Variants in ADAM10 observed in about 807,000 individuals in gnomAD.
The protein encoded by ADAM10 is disintegrin and metalloproteinase domain-containing protein 10.
A neutral mutation model predicts 90.1 loss-of-function variants in ADAM10; 17 were observed. The ratio of observed to expected loss-of-function variants is 0.19; its 90% CI spans 0.13 to 0.28. The LOEUF (loss-of-function observed/expected upper bound fraction) is 0.28. Ranked by LOEUF, ADAM10 falls within the 10% of genes least tolerant of loss-of-function variation. ADAM10 has a pLI of 1.00. For missense variants in ADAM10, 610 were observed against 914.3 expected (o/e 0.67, Z 4.29); for synonymous variants, 310 against 298.6 (o/e 1.04, Z -0.40).
At chr15:58,688,137 T>C (rs765595060) in intron 2 of ADAM10, among the ~76,000 whole-genome samples, 16 of 152,158 alleles carry the variant, frequency 1.1e-4, no homozygotes, top group Non-Finnish European at 2.2e-4. Flanking sequence ...GTTATATAAA[T>C]TGTGAACACT....
intron 1 of ADAM10, among the ~76,000 whole-genome samples, chr15:58,730,731 C>G (rs1261126470): frequency 6.6e-6 from 1 of 152,184 alleles, no homozygotes; most frequent in Non-Finnish European, 1.5e-5. Flanking sequence ...CCAGTGAAGA[C>G]TGGCGGGTGG....
At chr15:58,637,017 C>T (rs777955734) in intron 8 of ADAM10, among the ~76,000 whole-genome samples, 2 of 152,148 alleles carry the variant, frequency 1.3e-5, no homozygotes, top group Admixed American at 1.3e-4. Context: ...GCATTAAATG[C>T]CAATAGCAAG....
At chr15:58,684,304 G>A (rs913171214) in intron 2 of ADAM10, among the ~76,000 whole-genome samples, 3 of 152,176 alleles carry the variant, frequency 2.0e-5, no homozygotes, top group Non-Finnish European at 4.4e-5. Flanking sequence ...TCAGTGATAG[G>A]TGTCTCTTCA....
At chr15:58,697,163 G>C (rs929927611) in intron 2 of ADAM10, among the ~76,000 whole-genome samples, 2 of 152,122 alleles carry the variant, frequency 1.3e-5, no homozygotes, top group South Asian at 4.1e-4. Context: ...GCTGCCACTG[G>C]TGCTAAACCA....
At chr15:58,621,696 G>C (rs1895792017) in intron 10 of ADAM10, 75 bp from the exon 11 acceptor site, 13 of 1,563,436 alleles carry the variant, frequency 8.3e-6, no homozygotes, top group Non-Finnish European at 1.1e-5. Context: ...AAATTCTTTA[G>C]ATCATCATAA....
At chr15:58,702,144 G>A (rs1230457862) in intron 2 of ADAM10, among the ~76,000 whole-genome samples, 1 of 152,036 alleles carries the variant, frequency 6.6e-6, no homozygotes, top group Non-Finnish European at 1.5e-5. Context: ...ATCATTTGCA[G>A]CAATATGAAT....
At chr15:58,622,470 T>C (rs1319802391) in intron 10 of ADAM10, among the ~76,000 whole-genome samples, 4 of 152,220 alleles carry the variant, frequency 2.6e-5, no homozygotes, top group African/African-American at 4.8e-5. Context: ...TTTTACACCA[T>C]TGATCTGTTA....
chr15:58,642,992 C>T (rs1162803214), intron 7 of ADAM10, among the ~76,000 whole-genome samples: 1 of 151,998 alleles, frequency 6.6e-6, no homozygotes, highest in African/African-American at 2.4e-5. Flanking sequence ...ACATTTTATC[C>T]AACCACATTT....
At chr15:58,639,577 AAAAAAGT>A in intron 8 of ADAM10, among the ~76,000 whole-genome samples, 1 of 152,216 alleles carries the variant, frequency 6.6e-6, no homozygotes, top group Non-Finnish European at 1.5e-5. Flanking sequence ...TCCAAGTAAC[AAAAAAGT>A]ACAGATTATC....
rs1040480168 is a variant in ADAM10 at position 58,730,736 on chromosome 15, G to T, written c.56-13009C>A. On this transcript the variant is annotated intron_variant, in intron 1 of 15. Coordinates refer to ENST00000260408, the MANE Select transcript of ADAM10 (RefSeq NM_001110.4). ...GAGGGTGCTTCCAGTGAAGACTGGC[G>T]GGTGGAGTGGTGGGCTGACTGGGGA... Among the ~76,000 whole-genome samples the T allele has an allele frequency of 3.5e-4, 53 of 152,302 alleles. 1 individual carries two copies. Among genetic ancestry groups the T allele is most frequent in the Admixed American group, 2.7e-3 (41 of 15,298 alleles).
intron 1 of ADAM10, among the ~76,000 whole-genome samples, 171 bp downstream of exon 1, chr15:58,749,309 G>T (rs1210631256): frequency 6.6e-6 from 1 of 152,238 alleles, no homozygotes; most frequent in South Asian, 2.1e-4. Flanking sequence ...AAGGGAAAGC[G>T]GTCGGGGCGC....
intron 2 of ADAM10, among the ~76,000 whole-genome samples, chr15:58,704,878 G>A (rs562715382): frequency 1.3e-5 from 2 of 152,222 alleles, no homozygotes; most frequent in South Asian, 2.1e-4. Context: ...TTTGGTTGCC[G>A]CATATTGCTC....
chr15:58,643,407 G>A (rs1360108775), intron 7 of ADAM10, among the ~76,000 whole-genome samples: 1 of 152,080 alleles, frequency 6.6e-6, no homozygotes, highest in East Asian at 1.9e-4. Context: ...TGTGAGTTGT[G>A]AATTTTCAAG....
chr15:58,613,946 T>C (rs4275799), intron 11 of ADAM10, among the ~76,000 whole-genome samples: 70,917 of 152,010 alleles, frequency 0.47, 18,852 homozygotes, highest in East Asian at 0.94. Flanking sequence ...TGAAAGCCCA[T>C]CTCTGCAACC....
At position 58,670,299 on chromosome 15, in the gene ADAM10, G is replaced by T. The variant is rs934397440; in HGVS notation, c.485-5102C>A. On this transcript the variant is annotated intron_variant, in intron 4 of 15. Coordinates refer to ENST00000260408, the MANE Select transcript of ADAM10 (RefSeq NM_001110.4). ...TTAAGTCAATATTTAATTTATAGGTGTAAGAGTATAAATCTGTGTAACCTT... is the reference window on the plus strand; with the variant it reads ...TTAAGTCAATATTTAATTTATAGGTTTAAGAGTATAAATCTGTGTAACCTT... Among the ~76,000 whole-genome samples, 7 of 152,140 alleles carry T rather than the reference G, an allele frequency of 4.6e-5. No individual in the cohort carries two copies. In the East Asian group the frequency reaches 9.6e-4, roughly 21 times the overall value.
At chr15:58,684,669 T>C (rs1454757740) in intron 2 of ADAM10, among the ~76,000 whole-genome samples, 1 of 152,224 alleles carries the variant, frequency 6.6e-6, no homozygotes. Flanking sequence ...TCCTTTATAA[T>C]AAACCAGCAA....
At chr15:58,659,396 C>T (rs905797481) in intron 5 of ADAM10, among the ~76,000 whole-genome samples, 8 of 152,146 alleles carry the variant, frequency 5.3e-5, no homozygotes, top group African/African-American at 1.9e-4. Context: ...AAGAAAGCTT[C>T]CTTCTATTTT....
intron 2 of ADAM10, among the ~76,000 whole-genome samples, chr15:58,708,744 G>A (rs1898381392): frequency 6.6e-6 from 1 of 152,090 alleles, no homozygotes; most frequent in Non-Finnish European, 1.5e-5. Flanking sequence ...GCTAGACCTT[G>A]TGTTTATATT....
chr15:58,738,023 C>A (rs1899487625), intron 1 of ADAM10, among the ~76,000 whole-genome samples: 1 of 152,104 alleles, frequency 6.6e-6, no homozygotes, highest in Non-Finnish European at 1.5e-5. Flanking sequence ...TATTACAGAT[C>A]TTCCTATTTA....
Sources: allele counts gnomAD v4.1 joint callset (sites outside exome capture counted in the v4.1 genomes callset), GRCh38; gene constraint gnomAD v4.1.1; transcripts MANE v1.5; gene names NCBI Gene and HGNC (gene_info 2026-07-23, HGNC 2026-07-21).